The following TNIK variants were observed in gnomAD, a reference collection of about 807,000 sequenced individuals.
TNIK encodes the protein TRAF2 and NCK-interacting protein kinase.
Under a neutral mutation model 191.3 loss-of-function variants are expected in TNIK, and 49 were observed. The ratio of observed to expected loss-of-function variants is 0.26; its 90% CI spans 0.20 to 0.32. The LOEUF is 0.32. Among genes scored for constraint, TNIK ranks in the 10% least tolerant of loss-of-function variants. The pLI is 1.00. For missense variants in TNIK, 1,155 were observed against 1,702.3 expected, an observed-to-expected ratio of 0.68 and a Z score of 5.66; for synonymous variants, 594 against 600.9, an observed-to-expected ratio of 0.99 and a Z score of 0.17.
At chr3:171,111,675 A>T (rs185397328) in intron 18 of TNIK, among the ~76,000 whole-genome samples, 50 of 152,352 alleles carry the variant, frequency 3.3e-4, no homozygotes, top group African/African-American at 1.2e-3. Flanking sequence ...TATCCAAAGG[A>T]AATGAAATCA....
chr3:171,060,344 C>A lies in TNIK; in HGVS notation c.*3537G>T, dbSNP rs1264761924. ...AGAGACACCAATTACCAATGAGTCA[C>A]AAGAACAGACAAAAATTGTTAGTAG... On this transcript the variant is annotated 3_prime_UTR_variant, in exon 33 of 33. Transcript: ENST00000436636. Among the ~76,000 whole-genome samples the A allele has an allele frequency of 6.6e-6, 1 of 152,032 alleles. No individual in the cohort carries two copies. Among genetic ancestry groups the A allele is most frequent in the Non-Finnish European group, 1.5e-5 (1 of 68,006 alleles).
At chr3:171,379,001 G>C (rs1717642212) in intron 1 of TNIK, among the ~76,000 whole-genome samples, 1 of 152,184 alleles carries the variant, frequency 6.6e-6, no homozygotes, top group Non-Finnish European at 1.5e-5. Flanking sequence ...AGGGACAGTA[G>C]GTAGGATGGG....
intron 2 of TNIK, among the ~76,000 whole-genome samples, chr3:171,305,064 A>G (rs1753303822): frequency 6.8e-6 from 1 of 146,530 alleles, no homozygotes; most frequent in Non-Finnish European, 1.5e-5. Flanking sequence ...AAAAAAAAGG[A>G]AAAAGTAAAG....
rs576035138 is a variant in TNIK, at chr3:171,301,124, A to T, written c.123+68496T>A. On this transcript the variant is annotated intron_variant, in intron 2 of 32. Coordinates refer to ENST00000436636, the MANE Select transcript of TNIK (RefSeq NM_015028.4). ...GGGTACCAGTTTAACCAAGGATTTC[A>T]ATTTAGTACCACCAAGAATGGGAGG... is the stretch of plus-strand genomic sequence containing the variant. Among the ~76,000 whole-genome samples, 5 of 152,228 alleles carry T rather than the reference A, an allele frequency of 3.3e-5. No homozygotes were observed. The East Asian group carries it at 7.7e-4, about 23-fold the overall frequency.
chr3:171,333,619 T>A (rs545432315), intron 2 of TNIK, among the ~76,000 whole-genome samples: 3 of 145,458 alleles, frequency 2.1e-5, no homozygotes, highest in African/African-American at 7.6e-5. Context: ...CAACACTGGA[T>A]CCCCATTCCC....
At chr3:171,170,441 C>T (rs1317574968) in intron 9 of TNIK, among the ~76,000 whole-genome samples, 1 of 152,142 alleles carries the variant, frequency 6.6e-6, no homozygotes, top group Non-Finnish European at 1.5e-5. Flanking sequence ...ATTGGCCCTG[C>T]CCTATTTCCA....
At chr3:171,293,074 A>C (rs568294018) in intron 2 of TNIK, among the ~76,000 whole-genome samples, 1 of 152,132 alleles carries the variant, frequency 6.6e-6, no homozygotes, top group Non-Finnish European at 1.5e-5. Flanking sequence ...CACTTTCAAA[A>C]ACCTTCAAGT....
intron 28 of TNIK, among the ~76,000 whole-genome samples, chr3:171,074,150 T>A (rs1719587975): frequency 6.6e-6 from 1 of 151,970 alleles, no homozygotes; most frequent in South Asian, 2.1e-4. Flanking sequence ...ATAAAGAAAC[T>A]GTTGTATATA....
Position 171,369,495 on chromosome 3 carries a change from AAC to A in TNIK, c.123+123_123+124del. The A allele has an allele frequency of 4.9e-6, 3 of 606,094 alleles. No homozygotes were observed. The South Asian group carries it at 9.7e-5, about 20-fold the overall frequency. The allele number at this position is 606,094 out of a possible 1,614,324, so 37.5% of individuals were successfully genotyped here. A position where few individuals can be genotyped will look rare whatever the true frequency, so the allele number is the denominator to read the frequency against. On this transcript the variant is annotated intron_variant, in intron 2 of 32. Coordinates refer to ENST00000436636, the MANE Select transcript of TNIK (RefSeq NM_015028.4). ...TATTTTAAAAGATGGAGAGTCAATCAACAAGTATATTAATTCATTTTAAATTT... is the reference window on the plus strand; with the variant it reads ...TATTTTAAAAGATGGAGAGTCAATCAAAGTATATTAATTCATTTTAAATTT...
chr3:171,267,953 T>G (rs564564319), intron 2 of TNIK, among the ~76,000 whole-genome samples: 4 of 152,218 alleles, frequency 2.6e-5, no homozygotes, highest in Admixed American at 2.6e-4. Context: ...GCCTTGCTGA[T>G]GGCCCCAGAG....
intron 22 of TNIK, among the ~76,000 whole-genome samples, chr3:171,095,767 A>C (rs1722630547): frequency 1.3e-5 from 2 of 152,190 alleles, no homozygotes; most frequent in Non-Finnish European, 2.9e-5. Context: ...CTTCCATTGC[A>C]ATTACTAAAC....
chr3:171,088,420 A>T (rs73035315), intron 23 of TNIK, among the ~76,000 whole-genome samples: 15,064 of 152,074 alleles, frequency 0.099, 845 homozygotes, highest in Middle Eastern at 0.16. Flanking sequence ...TATTTAGTAG[A>T]GATGGGGTTT....
intron 1 of TNIK, among the ~76,000 whole-genome samples, chr3:171,414,079 A>G (rs1722744155): frequency 6.6e-6 from 1 of 152,154 alleles, no homozygotes; most frequent in East Asian, 1.9e-4. Flanking sequence ...TTTATGTTAG[A>G]GACTCGATGA....
intron 1 of TNIK, among the ~76,000 whole-genome samples, chr3:171,424,406 A>G (rs1008049930): frequency 1.2e-4 from 19 of 152,238 alleles, no homozygotes; most frequent in Non-Finnish European, 2.5e-4. Context: ...TAGTTCAACC[A>G]TGGTGGAAGT....
rs1722276980 is a variant in TNIK, at chr3:171,093,143, T to G, written c.2721+696A>C. Reference sequence around the variant, plus strand: ...TGCACTCAAACTTGCATGGTGATGATGAAGTGAAAAAGAGGAAAAGACGGA... The same window carrying G: ...TGCACTCAAACTTGCATGGTGATGAGGAAGTGAAAAAGAGGAAAAGACGGA... On this transcript the variant is annotated intron_variant, in intron 23 of 32. Transcript: ENST00000436636. Among the ~76,000 whole-genome samples, 4 of 152,290 alleles carry G rather than the reference T, an allele frequency of 2.6e-5. No homozygotes were observed. In the South Asian group the frequency reaches 6.2e-4, roughly 24 times the overall value.
chr3:171,257,133 A>G (rs1746976524), intron 2 of TNIK, among the ~76,000 whole-genome samples: 1 of 152,218 alleles, frequency 6.6e-6, no homozygotes, highest in South Asian at 2.1e-4. Flanking sequence ...TTTCATCTCA[A>G]AAGAAGACTG....
intron 9 of TNIK, among the ~76,000 whole-genome samples, chr3:171,170,538 C>A (rs1735135552): frequency 6.6e-6 from 1 of 152,150 alleles, no homozygotes. Context: ...GTTTCCCTGG[C>A]TGCATTCAAT....
At chr3:171,242,036 G>C (rs1354690872) in intron 2 of TNIK, among the ~76,000 whole-genome samples, 1 of 151,570 alleles carries the variant, frequency 6.6e-6, no homozygotes, top group Non-Finnish European at 1.5e-5. Flanking sequence ...GAAGGGGGAG[G>C]GATAGCATTA....
chr3:171,169,720 C>A (rs1735056632), intron 9 of TNIK, among the ~76,000 whole-genome samples: 1 of 152,198 alleles, frequency 6.6e-6, no homozygotes, highest in Admixed American at 6.5e-5. Context: ...TCAGAGAAAT[C>A]TCCAGATCTC....
Sources: gnomAD v4.1 joint callset for allele counts (sites outside exome capture counted in the v4.1 genomes callset) on GRCh38, gnomAD v4.1.1 for gene constraint, MANE v1.5 for transcripts, NCBI Gene and HGNC (gene_info 2026-07-23, HGNC 2026-07-21) for gene names.